SCN3A: variants seen among roughly 807,000 people sequenced by gnomAD.
The protein encoded by SCN3A is sodium channel protein type 3 subunit alpha.
In SCN3A, 60 loss-of-function variants were observed where a neutral mutation model predicts 187.6. The ratio of observed to expected loss-of-function variants is 0.32; its 90% CI spans 0.26 to 0.40. The LOEUF is 0.40. Among genes scored for constraint, SCN3A ranks in the 10% least tolerant of loss-of-function variants. The probability of loss-of-function intolerance (pLI) is 1.00; values close to 1 mark genes in which losing one functional copy is unlikely to be tolerated. For missense variants in SCN3A, 1,601 were observed against 2,428.2 expected (o/e 0.66, Z 7.16); for synonymous variants, 788 against 829.2 (o/e 0.95, Z 0.85).
In SCN3A at chr2:165,164,415, C is replaced by T. The variant is rs1015296479; in HGVS notation, c.579G>A (p.Leu193=). 6.2e-7 allele frequency: 1 copy of T among 1,613,766 alleles called. No individual in the cohort carries two copies. Among genetic ancestry groups the T allele is most frequent in the East Asian group, 2.2e-5 (1 of 44,806 alleles). ...FTFLRDPWNW[L]DFSVIVMAYV... is the part of the protein sequence containing the mutation. ...ACGCCATCACAATGACACTGAAATCCAGCCAGTTCCATGGATCACGAAGAA... is the reference window on the plus strand; with the variant it reads ...ACGCCATCACAATGACACTGAAATCTAGCCAGTTCCATGGATCACGAAGAA... Residue 193 remains leucine, a synonymous_variant, in exon 6 of 28, where the codon CTG becomes CTA. Transcript: ENST00000283254.
intron 14 of SCN3A, among the ~76,000 whole-genome samples, chr2:165,139,083 C>T (rs1381604698): frequency 1.3e-5 from 2 of 152,108 alleles, no homozygotes; most frequent in South Asian, 2.1e-4. Flanking sequence ...CATTTAAGTG[C>T]TCCCGCAACC....
chr2:165,155,480 A>T (rs3731761), intron 10 of SCN3A, among the ~76,000 whole-genome samples: 110,103 of 151,656 alleles, frequency 0.73, 40,068 homozygotes, highest in East Asian at 0.84. Flanking sequence ...ACTCACTGCA[A>T]CCTCCACCTC....
intron 9 of SCN3A, among the ~76,000 whole-genome samples, chr2:165,162,041 G>A (rs1326915359): frequency 2.6e-5 from 4 of 152,064 alleles, no homozygotes; most frequent in Non-Finnish European, 1.5e-5. Context: ...ACAGACTCTG[G>A]GCCTTCACAC....
At chr2:165,143,631 A>T (rs762857101) in intron 12 of SCN3A, among the ~76,000 whole-genome samples, 1 of 152,234 alleles carries the variant, frequency 6.6e-6, no homozygotes, top group Non-Finnish European at 1.5e-5. Context: ...CTGTGGCAAC[A>T]CTTTCTCTAG....
intron 26 of SCN3A, chr2:165,093,937 G>A (rs1418262757): frequency 5.2e-5 from 10 of 193,906 alleles, no homozygotes; most frequent in Non-Finnish European, 1.1e-4. Flanking sequence ...TTCTGTTTTG[G>A]TGTATTTGGT....
At chr2:165,194,673 C>A (rs1691833347) in intron 1 of SCN3A, among the ~76,000 whole-genome samples, 1 of 152,026 alleles carries the variant, frequency 6.6e-6, no homozygotes, top group Non-Finnish European at 1.5e-5. Flanking sequence ...ATGACATCTT[C>A]ATGAAATGGT....
In SCN3A at chr2:165,155,771, A is replaced by G. The variant is rs745965060; in HGVS notation, c.1164T>C (p.Leu388=). Residue 388 remains leucine (L), a synonymous_variant, in exon 10 of 28, where the codon CTT becomes CTC. Transcript: ENST00000283254. ...CTCATTTGGACCTTACCAACTGGTA[A>G]AGATTTTCCCAGTAGTCTTGAGTCA... ...RLMTQDYWEN[L]YQLTLRAAGK... 1 of 1,614,070 alleles carries G rather than the reference A, an allele frequency of 6.2e-7. No individual in the cohort carries two copies.
At chr2:165,148,927 A>G in intron 11 of SCN3A, among the ~76,000 whole-genome samples, 1 of 152,174 alleles carries the variant, frequency 6.6e-6, no homozygotes. Context: ...ATAGCAAGTT[A>G]AATATAGTTA....
At chr2:165,198,850 A>G (rs1692146154) in intron 1 of SCN3A, among the ~76,000 whole-genome samples, 3 of 151,942 alleles carry the variant, frequency 2.0e-5, no homozygotes, top group Admixed American at 6.6e-5. Context: ...AACAACTTAT[A>G]TGGAGAAAAA....
intron 3 of SCN3A, among the ~76,000 whole-genome samples, chr2:165,171,603 C>T (rs1690106118): frequency 6.6e-6 from 1 of 151,984 alleles, no homozygotes; most frequent in Admixed American, 6.6e-5. Context: ...GTTGAAAATC[C>T]CTTCTGTCTG....
chr2:165,195,407 C>A (rs1264778360), intron 1 of SCN3A: 1 of 152,140 alleles, frequency 6.6e-6, no homozygotes. Context: ...TCAAGTGTCA[C>A]TCCTCTTTAA....
intron 22 of SCN3A, 25 bp downstream of exon 22, chr2:165,100,277 T>C: frequency 6.2e-7 from 1 of 1,611,370 alleles, no homozygotes; most frequent in Non-Finnish European, 8.5e-7. Flanking sequence ...TTGACATGAA[T>C]AATTAGAGTG....
chr2:165,121,642 T>G (rs1251262801), intron 18 of SCN3A, among the ~76,000 whole-genome samples: 1 of 152,126 alleles, frequency 6.6e-6, no homozygotes, highest in Non-Finnish European at 1.5e-5. Flanking sequence ...TATGCATAAA[T>G]TAAACCTAGA....
At chr2:165,172,470 T>C (rs1162599026) in intron 3 of SCN3A, among the ~76,000 whole-genome samples, 1 of 152,134 alleles carries the variant, frequency 6.6e-6, no homozygotes, top group African/African-American at 2.4e-5. Context: ...ATTAAAGGGT[T>C]GCCTTGGAGT....
chr2:165,156,649 T>G (rs1418309680), intron 9 of SCN3A, among the ~76,000 whole-genome samples: 1 of 151,938 alleles, frequency 6.6e-6, no homozygotes, highest in African/African-American at 2.4e-5. Context: ...TTATAACAAT[T>G]TTTTATTTAC....
intron 2 of SCN3A, among the ~76,000 whole-genome samples, chr2:165,182,479 A>G (rs1203324004): frequency 6.6e-6 from 1 of 152,218 alleles, no homozygotes; most frequent in Non-Finnish European, 1.5e-5. Context: ...TGCCTGGAAT[A>G]CATTAATAGT....
rs1236229750 is a variant in SCN3A, at chr2:165,091,457, AT to A, written c.4808-113del. On this transcript the variant is annotated intron_variant, in intron 27 of 27. Transcript: ENST00000283254. ...AAACTTGTTATGAATATGAGCCTTT[AT>A]TAAATATTTGGATCCACTCCCTGAC... is the stretch of plus-strand genomic sequence containing the variant. 4.6e-6 allele frequency: 6 copies of A among 1,303,138 alleles called. No homozygotes were observed. In the Admixed American group the frequency reaches 1.2e-4, roughly 25 times the overall value. The allele number at this position is 1,303,138 out of a possible 1,614,324, so 80.7% of individuals were successfully genotyped here.
At chr2:165,123,044 T>C (rs1686787011) in intron 18 of SCN3A, 1 of 152,176 alleles carries the variant, frequency 6.6e-6, no homozygotes, top group Admixed American at 6.5e-5. Context: ...CTTTTAAGAA[T>C]TAAATTGCAA....
Position 165,162,208 on chromosome 2 carries a change from A to G in SCN3A, c.1031+100T>C. The G allele has an allele frequency of 4.5e-6, 5 of 1,103,674 alleles. No homozygotes were observed. In the East Asian group the frequency reaches 7.3e-5, roughly 16 times the overall value. The allele number at this position is 1,103,674 out of a possible 1,614,324, so 68.4% of individuals were successfully genotyped here. A position where few individuals can be genotyped will look rare whatever the true frequency, so the allele number is the denominator to read the frequency against. ...GGAGCAGCACTGCTCTTTATTGCATACATGGTAAGGCTACACATATAACCA... is the reference window on the plus strand; with the variant it reads ...GGAGCAGCACTGCTCTTTATTGCATGCATGGTAAGGCTACACATATAACCA... On this transcript the variant is annotated intron_variant, in intron 9 of 27. Coordinates refer to ENST00000283254, the MANE Select transcript of SCN3A (RefSeq NM_006922.4).
Sources: gnomAD v4.1 joint callset for allele counts (sites outside exome capture counted in the v4.1 genomes callset) on GRCh38, gnomAD v4.1.1 for gene constraint, MANE v1.5 for transcripts, NCBI Gene and HGNC (gene_info 2026-07-23, HGNC 2026-07-21) for gene names.